Variants in KDM4B observed in about 807,000 individuals in gnomAD.
KDM4B encodes lysine demethylase 4B.
KDM4B carries 32 observed loss-of-function variants against 125.2 expected under a neutral mutation model. The observed-to-expected ratio is 0.26, with a 90% CI of 0.19 to 0.34. The LOEUF is 0.34. KDM4B is among the 10% of genes least tolerant of loss of function. The pLI, the probability that KDM4B is intolerant of heterozygous loss-of-function variation, is 1.00. For missense variants in KDM4B, 1,190 were observed against 1,577.7 expected, an observed-to-expected ratio of 0.75 and a Z score of 4.16; for synonymous variants, 721 against 677.9, an observed-to-expected ratio of 1.06 and a Z score of -0.99.
Position 5,151,377 on chromosome 19 carries a change from G to T in KDM4B, c.3157G>T (p.Glu1053Ter). The T allele has an allele frequency of 6.3e-7, 1 of 1,588,936 alleles. No individual in the cohort carries two copies. The highest frequency in any genetic ancestry group is 8.5e-7 in the Non-Finnish European group (1 of 1,169,606). The change falls in exon 23 of 23, where the codon GAG (glutamate) becomes TAG (stop). Residue 1053 changes from glutamate (E) to a stop codon, truncating the protein, a stop_gained. Transcript: ENST00000159111. LOFTEE classifies it high-confidence loss of function. Reference protein sequence around the residue: ...GAPQEPAFSGEEAKAAKRPRV... With the variant: ...GAPQEPAFSG ...ACCGCAGGAGCCCGCCTTCTCGGGG[G>T]AGGAGGCCAAGGCCGCCAAGCGCCC...
chr19:5,029,786 C>T (rs2036393133), intron 2 of KDM4B, among the ~76,000 whole-genome samples: 1 of 152,252 alleles, frequency 6.6e-6, no homozygotes, highest in Admixed American at 6.5e-5. Flanking sequence ...GTGACCGTGC[C>T]ACTGCACTCC....
chr19:5,107,136 A>G (rs971675148), intron 9 of KDM4B, among the ~76,000 whole-genome samples: 32 of 152,296 alleles, frequency 2.1e-4, no homozygotes, highest in African/African-American at 7.5e-4. Context: ...CGTTGGCCAG[A>G]TGCGCCCAGC....
At chr19:4,974,597 G>A (rs977099438) in intron 1 of KDM4B, among the ~76,000 whole-genome samples, 1 of 151,078 alleles carries the variant, frequency 6.6e-6, no homozygotes, top group Admixed American at 6.6e-5. Flanking sequence ...AATCAGCCGG[G>A]CATGGTGGTG....
chr19:5,085,938 C>G (rs982116963), intron 9 of KDM4B, among the ~76,000 whole-genome samples: 15 of 152,178 alleles, frequency 9.9e-5, no homozygotes, highest in African/African-American at 3.4e-4. Flanking sequence ...GGAAACGGCC[C>G]AGGTCAGGTG....
Position 5,142,329 on chromosome 19 carries a change from A to G in KDM4B, c.2551-1638A>G, listed in dbSNP as rs1219627531. ...CTCCCAGGAAGGGAGGTGACGGCCA[A>G]GAACGCCTGCCCGACCTCCTGTGGC... On this transcript the variant is annotated intron_variant, in intron 18 of 22. Transcript: ENST00000159111. This position sits in a 1 kb window ranked among gnomAD's most constrained non-coding sequence, Gnocchi z 5.4. Among the ~76,000 whole-genome samples, 2 of 152,164 alleles carry G rather than the reference A, an allele frequency of 1.3e-5. No homozygotes were observed. The highest frequency in any genetic ancestry group is 4.8e-5 in the African/African-American group (2 of 41,446).
Position 5,101,269 on chromosome 19 carries a change from G to GT in KDM4B, c.919-9348dup, listed in dbSNP as rs201325593. ...TTCTCTGTCCTCTGTTTCTTACCAG[G>GT]TTTTTGTTTTTTTTTTGATAGTTTA... On this transcript the variant is annotated intron_variant, in intron 9 of 22. Transcript: ENST00000159111. 1.1e-3 allele frequency among the ~76,000 whole-genome samples: 160 copies of GT among 149,406 alleles called. 1 individual carries two copies. Among genetic ancestry groups the GT allele is most frequent in the Middle Eastern group, 3.5e-3 (1 of 288 alleles).
chr19:5,106,687 C>T (rs2039041822), intron 9 of KDM4B, among the ~76,000 whole-genome samples: 1 of 152,218 alleles, frequency 6.6e-6, no homozygotes, highest in Non-Finnish European at 1.5e-5. Flanking sequence ...GTGCACTTGG[C>T]AGGGTGGTCA....
At chr19:5,104,466 A>T (rs1568300062) in intron 9 of KDM4B, among the ~76,000 whole-genome samples, 1 of 151,606 alleles carries the variant, frequency 6.6e-6, no homozygotes, top group Non-Finnish European at 1.5e-5. Flanking sequence ...TGCAGAACCT[A>T]ATCTAAGATC....
intron 5 of KDM4B, among the ~76,000 whole-genome samples, chr19:5,043,562 C>T (rs36031528): frequency 0.086 from 12,485 of 145,876 alleles, 653 homozygotes; most frequent in Middle Eastern, 0.13. Context: ...GGGTGTCCAT[C>T]ATATCCTGTG....
intron 9 of KDM4B, among the ~76,000 whole-genome samples, chr19:5,092,614 A>G (rs1290223449): frequency 6.6e-6 from 1 of 152,112 alleles, no homozygotes; most frequent in South Asian, 2.1e-4. Context: ...TCATGGACAG[A>G]GCTGGTTCGG....
chr19:5,056,396 C>CCTTT (rs888854035), intron 6 of KDM4B, among the ~76,000 whole-genome samples: 9 of 151,808 alleles, frequency 5.9e-5, no homozygotes, highest in Admixed American at 5.9e-4. Flanking sequence ...GGATCATCTC[C>CCTTT]CTTTCTTTCT....
At chr19:4,985,310 C>T (rs543172709) in intron 1 of KDM4B, among the ~76,000 whole-genome samples, 418 of 152,104 alleles carry the variant, frequency 2.7e-3, no homozygotes, top group Non-Finnish European at 4.4e-3. Context: ...GGCAACAGAG[C>T]GAGACTCCGT....
At chr19:5,004,153 G>A (rs2035481626) in intron 1 of KDM4B, among the ~76,000 whole-genome samples, 4 of 152,194 alleles carry the variant, frequency 2.6e-5, no homozygotes, top group Non-Finnish European at 5.9e-5. Context: ...TGGAGGGCGG[G>A]TGTGCTGGCA....
chr19:5,145,303 G>A (rs1040260383), intron 21 of KDM4B, among the ~76,000 whole-genome samples: 6 of 151,898 alleles, frequency 4.0e-5, no homozygotes, highest in Non-Finnish European at 5.9e-5. Context: ...ATCTTAGACC[G>A]GGCACGGTGG....
intron 9 of KDM4B, among the ~76,000 whole-genome samples, chr19:5,091,243 C>T (rs2038696638): frequency 6.6e-6 from 1 of 152,174 alleles, no homozygotes; most frequent in African/African-American, 2.4e-5. Context: ...CCCGAAACAC[C>T]CTGCCACGGG....
In KDM4B at chr19:5,001,313, G is replaced by A. The variant is rs541833244; in HGVS notation, c.-108-14944G>A. On this transcript the variant is annotated intron_variant, in intron 1 of 22. Transcript: ENST00000159111. ...TGCTGGAATTACAGGTGTGAGCCACGGCGCCTGGCCTTATACCTTTTCTTT... is the reference window on the plus strand; with the variant it reads ...TGCTGGAATTACAGGTGTGAGCCACAGCGCCTGGCCTTATACCTTTTCTTT... Among the ~76,000 whole-genome samples, 28 of 152,210 alleles carry A rather than the reference G, an allele frequency of 1.8e-4. 1 individual carries two copies. The highest frequency in any genetic ancestry group is 1.2e-4 in the African/African-American group (5 of 41,528).
At chr19:5,108,897 G>A (rs1040160188) in intron 9 of KDM4B, among the ~76,000 whole-genome samples, 13 of 152,110 alleles carry the variant, frequency 8.5e-5, no homozygotes, top group African/African-American at 2.7e-4. Flanking sequence ...CCGTTCAGAC[G>A]GGGGCCCGTG....
chr19:5,047,411 AC>A (rs2037060466), intron 5 of KDM4B, 64 bp from the exon 6 acceptor site: 1 of 1,450,536 alleles, frequency 6.9e-7, no homozygotes. Context: ...ATTAGCCTGC[AC>A]CCCAGGGCTC....
intron 1 of KDM4B, among the ~76,000 whole-genome samples, chr19:5,013,479 G>C (rs7257027): frequency 0.68 from 104,123 of 152,078 alleles, 36,102 homozygotes; most frequent in East Asian, 0.8. Context: ...CTGGAGGAGA[G>C]AAGTCTGACA....
Sources: gnomAD v4.1 joint callset for allele counts (sites outside exome capture counted in the v4.1 genomes callset) on GRCh38, gnomAD v4.1.1 for gene constraint, Gnocchi (gnomAD v3.1) non-coding constraint, MANE v1.5 for transcripts, NCBI Gene and HGNC (gene_info 2026-07-23, HGNC 2026-07-21) for gene names.